LAMB1: variants seen among roughly 807,000 people sequenced by gnomAD.
The protein encoded by LAMB1 is laminin subunit beta 1, also known as laminin subunit beta-1.
LAMB1 carries 121 observed loss-of-function variants against 222.3 expected under a neutral mutation model. The observed-to-expected ratio is 0.54, with a 90% CI of 0.47 to 0.63. The LOEUF is 0.63. Ranked by LOEUF, LAMB1 falls within the 30% of genes least tolerant of loss-of-function variation. The probability of loss-of-function intolerance (pLI) is 0.00; values close to 1 mark genes in which losing one functional copy is unlikely to be tolerated. For synonymous variants in LAMB1, 794 were observed against 807.2 expected (o/e 0.98, Z 0.28); for missense variants, 2,172 against 2,240.8 (o/e 0.97, Z 0.62).
chr7:107,973,011 C>T lies in LAMB1; in HGVS notation c.1543G>A (p.Gly515Arg). ...ATTTACCTGTTGTTTAAGGCTCCCC[C>T]AAGGTCACAGTCACATGGTCGACAT... ...DGCRPCDCDL[G>R]GALNNSCFAE... Residue 515 changes from glycine to arginine, a missense_variant, in exon 13 of 34, where the codon GGG becomes AGG. By Grantham distance (125) the Gly-to-Arg change is moderately radical. Coordinates refer to ENST00000222399, the MANE Select transcript of LAMB1 (RefSeq NM_002291.3). The T allele has an allele frequency of 1.2e-6, 2 of 1,613,970 alleles. No individual in the cohort carries two copies. The highest frequency in any genetic ancestry group is 1.7e-5 in the Admixed American group (1 of 60,022).
chr7:107,981,541 C>T (rs1563003000), intron 7 of LAMB1, among the ~76,000 whole-genome samples: 1 of 151,450 alleles, frequency 6.6e-6, no homozygotes, highest in Non-Finnish European at 1.5e-5. Context: ...TGAACGACAA[C>T]AAAAAAGAGT....
intron 14 of LAMB1, among the ~76,000 whole-genome samples, chr7:107,963,896 C>T (rs540466350): frequency 1.8e-4 from 27 of 152,282 alleles, no homozygotes; most frequent in Admixed American, 5.9e-4. Flanking sequence ...GTCGGGAGTT[C>T]GAGACCAGCC....
At chr7:107,929,964 AT>A in intron 29 of LAMB1, 1 of 322,722 alleles carries the variant, frequency 3.1e-6, no homozygotes. Flanking sequence ...ACGGCAGAGT[AT>A]GTTACGGGAA....
At chr7:107,933,307 T>C (rs532392496) in intron 27 of LAMB1, among the ~76,000 whole-genome samples, 1 of 152,340 alleles carries the variant, frequency 6.6e-6, no homozygotes, top group South Asian at 2.1e-4. Flanking sequence ...TAACAGAATA[T>C]TCCCAAACAA....
intron 15 of LAMB1, among the ~76,000 whole-genome samples, chr7:107,962,480 G>A (rs1185462853): frequency 5.9e-5 from 9 of 152,204 alleles, no homozygotes; most frequent in Non-Finnish European, 1.0e-4. Context: ...TTGGGAGGCT[G>A]AGGCGGGCGA....
At chr7:108,003,087 G>A (rs1411424147) in intron 1 of LAMB1, 24 bp downstream of exon 1, 5 of 1,193,654 alleles carry the variant, frequency 4.2e-6, no homozygotes, top group Non-Finnish European at 4.5e-6. Flanking sequence ...GGGGAAAATC[G>A]TGCAGCCACT....
chr7:107,973,013 A>G lies in LAMB1; in HGVS notation c.1541T>C (p.Leu514Pro). The G allele has an allele frequency of 1.2e-6, 2 of 1,613,978 alleles. No homozygotes were observed. Among genetic ancestry groups the G allele is most frequent in the East Asian group, 2.2e-5 (1 of 44,882 alleles). Residue 514 changes from leucine to proline, a missense_variant, in exon 13 of 34, where the codon CTT becomes CCT. By Grantham distance (98) the Leu-to-Pro change is moderately conservative. Coordinates refer to ENST00000222399, the MANE Select transcript of LAMB1 (RefSeq NM_002291.3). Reference protein sequence around the residue: ...LDGCRPCDCDLGGALNNSCFA... With the variant: ...LDGCRPCDCDPGGALNNSCFA... ...TTACCTGTTGTTTAAGGCTCCCCCA[A>G]GGTCACAGTCACATGGTCGACATCC...
At position 107,952,208 on chromosome 7, in the gene LAMB1, T is replaced by TA; in HGVS notation, c.3094dup (p.Tyr1032LeufsTer10). 6 of 1,603,466 alleles carry TA rather than the reference T, an allele frequency of 3.7e-6. No individual in the cohort carries two copies. The highest frequency in any genetic ancestry group is 5.1e-6 in the Non-Finnish European group (6 of 1,171,378). On this transcript the variant is annotated frameshift_variant, in exon 23 of 34. Coordinates refer to ENST00000222399, the MANE Select transcript of LAMB1 (RefSeq NM_002291.3). LOFTEE classifies it high-confidence loss of function. ...ACAGTGCTCTTGCACGGTGCCCAGG[T>TA]AATTACAGACACACTCTGCAAAAGA...
chr7:107,953,555 A>G lies in LAMB1; in HGVS notation c.3054T>C (p.Gly1018=). The G allele has an allele frequency of 6.2e-7, 1 of 1,614,000 alleles. No individual in the cohort carries two copies. The highest frequency in any genetic ancestry group is 8.5e-7 in the Non-Finnish European group (1 of 1,179,850). The change falls in exon 22 of 34, where the codon GGT becomes GGC. Residue 1018 remains glycine (G), a synonymous_variant. Coordinates refer to ENST00000222399, the MANE Select transcript of LAMB1 (RefSeq NM_002291.3). ...HCQFCRFGYY[G]DALQQDCRKC... ...TTCGACAGTCCTGCTGGAGGGCATC[A>G]CCATAGTATCCAAACCGGCAGAACT...
At position 107,952,945 on chromosome 7, in the gene LAMB1, CTACTGG is replaced by C. The variant is rs555112140; in HGVS notation, c.3079+579_3079+584del. Among the ~76,000 whole-genome samples, 471 of 152,310 alleles carry C rather than the reference CTACTGG, an allele frequency of 3.1e-3. 1 individual carries two copies. The highest frequency in any genetic ancestry group is 0.011 in the African/African-American group (454 of 41,558). On this transcript the variant is annotated intron_variant, in intron 22 of 33. Coordinates refer to ENST00000222399, the MANE Select transcript of LAMB1 (RefSeq NM_002291.3). ...GGGCAGAGCATACCATCAGTACCCT[CTACTGG>C]ATGCCATTTATCATGGGGACAGCTA...
Position 107,959,852 on chromosome 7 carries a change from C to T in LAMB1, c.2315-18G>A. 3 of 1,608,630 alleles carry T rather than the reference C, an allele frequency of 1.9e-6. No individual in the cohort carries two copies. The highest frequency in any genetic ancestry group is 2.5e-6 in the Non-Finnish European group (3 of 1,176,726). ...TTCACAAGCTGTGGGTAAAGAGAGGCCAGAACCCATGACACGGAGCAGCAC... is the reference window on the plus strand; with the variant it reads ...TTCACAAGCTGTGGGTAAAGAGAGGTCAGAACCCATGACACGGAGCAGCAC... On this transcript the variant is annotated intron_variant, in intron 18 of 33. Coordinates refer to ENST00000222399, the MANE Select transcript of LAMB1 (RefSeq NM_002291.3).
In LAMB1 at chr7:107,953,852, G is replaced by A. The variant is rs1192894342; in HGVS notation, c.2855-98C>T. Reference sequence around the variant, plus strand: ...TGCCTAGAGAGAGCTGATCGTGGCGGTGCTTCATCTTCACTGCACTGTTTA... The same window carrying A: ...TGCCTAGAGAGAGCTGATCGTGGCGATGCTTCATCTTCACTGCACTGTTTA... On this transcript the variant is annotated intron_variant, in intron 21 of 33. Transcript: ENST00000222399. 7.9e-6 allele frequency: 8 copies of A among 1,008,474 alleles called. No individual in the cohort carries two copies. In the Admixed American group the frequency reaches 1.3e-4, roughly 16 times the overall value. 62.5% of individuals were successfully genotyped at this position (1,008,474 alleles called of 1,614,324 possible).
rs539471134 is a variant in LAMB1, at chr7:107,961,778, A to C, written c.1858-102T>G. The C allele has an allele frequency of 4.6e-6, 6 of 1,316,940 alleles. No homozygotes were observed. In the South Asian group the frequency reaches 8.0e-5, roughly 17 times the overall value. The allele number at this position is 1,316,940 out of a possible 1,614,324, so 81.6% of individuals were successfully genotyped here. A position where few individuals can be genotyped will look rare whatever the true frequency, so the allele number is the denominator to read the frequency against. ...CAATTGCCAAGTTGAAATGGAAAAC[A>C]AACAGTTGCTCTTCACTTTTCTCTT... On this transcript the variant is annotated intron_variant, in intron 15 of 33. Coordinates refer to ENST00000222399, the MANE Select transcript of LAMB1 (RefSeq NM_002291.3).
At chr7:107,926,399 G>A (rs934433157) in intron 31 of LAMB1, 40 bp from the exon 32 acceptor site, 1 of 1,561,986 alleles carries the variant, frequency 6.4e-7, no homozygotes, top group Non-Finnish European at 8.8e-7. Context: ...ATTAGTTTAA[G>A]AAATGGAATT....
chr7:107,988,647 C>A (rs970583729), intron 5 of LAMB1, among the ~76,000 whole-genome samples: 4 of 152,042 alleles, frequency 2.6e-5, no homozygotes, highest in African/African-American at 9.7e-5. Context: ...TACTTCAGGT[C>A]ACTAGATGTG....
At chr7:107,931,698 T>G (rs936572909) in intron 28 of LAMB1, 198 bp from the exon 29 acceptor site, 1 of 581,740 alleles carries the variant, frequency 1.7e-6, no homozygotes, top group Admixed American at 3.5e-5. Context: ...CTAAACAGTA[T>G]TCTGATATAA....
chr7:107,932,383 A>G lies in LAMB1; in HGVS notation c.4189-6T>C. On this transcript the variant is annotated splice_region_variant and splice_polypyrimidine_tract_variant and intron_variant, in intron 27 of 33. Transcript: ENST00000222399. Reference sequence around the variant, plus strand: ...CCTGGGGGTGTTCCACAGGTCTGCAACAAGCCAAGGATCAGGCACAATACT... The same window carrying G: ...CCTGGGGGTGTTCCACAGGTCTGCAGCAAGCCAAGGATCAGGCACAATACT... 3 of 1,614,106 alleles carry G rather than the reference A, an allele frequency of 1.9e-6. No individual in the cohort carries two copies. Among genetic ancestry groups the G allele is most frequent in the Non-Finnish European group, 2.5e-6 (3 of 1,179,934 alleles).
chr7:107,981,199 C>A (rs2033966231), intron 7 of LAMB1, among the ~76,000 whole-genome samples: 1 of 152,166 alleles, frequency 6.6e-6, no homozygotes, highest in Non-Finnish European at 1.5e-5. Context: ...GTATTCCCAG[C>A]ATTTTGGGAG....
chr7:107,984,421 T>C (rs2034034223), intron 7 of LAMB1, among the ~76,000 whole-genome samples: 1 of 152,210 alleles, frequency 6.6e-6, no homozygotes, highest in Non-Finnish European at 1.5e-5. Flanking sequence ...CTAATTTTTA[T>C]ATTTTTAGTA....
Sources: gnomAD v4.1 joint callset for allele counts (sites outside exome capture counted in the v4.1 genomes callset) on GRCh38, gnomAD v4.1.1 for gene constraint, MANE v1.5 for transcripts, NCBI Gene and HGNC (gene_info 2026-07-23, HGNC 2026-07-21) for gene names.